ZNF804B: variants seen among roughly 807,000 people sequenced by gnomAD.
The protein encoded by ZNF804B is zinc finger 804B.
Under a neutral mutation model 101.4 loss-of-function variants are expected in ZNF804B, and 80 were observed. The ratio of observed to expected loss-of-function variants is 0.79; its 90% CI spans 0.66 to 0.95. ZNF804B has a LOEUF of 0.95. ZNF804B is among the 40% of genes least tolerant of loss of function. The probability of loss-of-function intolerance (pLI) is 0.00; values close to 1 mark genes in which losing one functional copy is unlikely to be tolerated. For missense variants in ZNF804B, 1,673 were observed against 1,561.9 expected, an observed-to-expected ratio of 1.07 and a Z score of -1.20; for synonymous variants, 622 against 558.8, an observed-to-expected ratio of 1.11 and a Z score of -1.59.
intron 1 of ZNF804B, among the ~76,000 whole-genome samples, chr7:89,153,035 A>G (rs1336729156): frequency 6.6e-6 from 1 of 152,150 alleles, no homozygotes. Flanking sequence ...ATATTATTAT[A>G]AACTAAGACT....
At chr7:89,296,297 T>A (rs1054828523) in intron 2 of ZNF804B, among the ~76,000 whole-genome samples, 1 of 152,134 alleles carries the variant, frequency 6.6e-6, no homozygotes, top group African/African-American at 2.4e-5. Flanking sequence ...TCTTAATTTA[T>A]CTAGATTTAT....
intron 2 of ZNF804B, among the ~76,000 whole-genome samples, chr7:89,248,762 C>T (rs919325690): frequency 3.9e-5 from 6 of 152,006 alleles, no homozygotes; most frequent in East Asian, 1.9e-4. Flanking sequence ...TAAAAACTCA[C>T]GACAGGATCA....
chr7:89,096,220 C>T (rs1285780300), intron 1 of ZNF804B, among the ~76,000 whole-genome samples: 1 of 151,202 alleles, frequency 6.6e-6, no homozygotes, highest in Non-Finnish European at 1.5e-5. Context: ...TATGGTGTGA[C>T]TAGACAAGTT....
chr7:88,845,000 C>T (rs1791347716), intron 1 of ZNF804B, among the ~76,000 whole-genome samples: 1 of 152,138 alleles, frequency 6.6e-6, no homozygotes, highest in Admixed American at 6.5e-5. Context: ...AAATCCTTTT[C>T]TGTAGGTTTA....
chr7:89,281,019 C>A (rs995241292), intron 2 of ZNF804B, among the ~76,000 whole-genome samples: 1 of 152,116 alleles, frequency 6.6e-6, no homozygotes, highest in African/African-American at 2.4e-5. Flanking sequence ...CCATCTGCAC[C>A]ATTCTTTCAC....
At chr7:89,047,922 A>G (rs1789136715) in intron 1 of ZNF804B, among the ~76,000 whole-genome samples, 1 of 150,942 alleles carries the variant, frequency 6.6e-6, no homozygotes, top group Admixed American at 6.6e-5. Context: ...TTGGATATAG[A>G]GCCTTTTGGT....
intron 3 of ZNF804B, among the ~76,000 whole-genome samples, chr7:89,328,732 C>A (rs564111895): frequency 1.3e-5 from 2 of 151,976 alleles, no homozygotes; most frequent in African/African-American, 4.8e-5. Flanking sequence ...TAAGTCAGAT[C>A]ATAACAAATG....
At chr7:89,178,968 C>A (rs1215513015) in intron 1 of ZNF804B, among the ~76,000 whole-genome samples, 2 of 152,028 alleles carry the variant, frequency 1.3e-5, no homozygotes, top group Non-Finnish European at 2.9e-5. Context: ...TTTTTTCCTT[C>A]AGCATTTAAA....
intron 2 of ZNF804B, among the ~76,000 whole-genome samples, chr7:89,229,841 A>T (rs957815342): frequency 1.3e-5 from 2 of 152,208 alleles, no homozygotes; most frequent in African/African-American, 4.8e-5. Context: ...AAGTTTTTAA[A>T]TAAAAAATCA....
chr7:89,248,780 G>A (rs941789095), intron 2 of ZNF804B, among the ~76,000 whole-genome samples: 5 of 151,948 alleles, frequency 3.3e-5, no homozygotes, highest in African/African-American at 1.2e-4. Flanking sequence ...TCAACCTCAC[G>A]TATCAATATT....
intron 1 of ZNF804B, among the ~76,000 whole-genome samples, chr7:89,109,066 TAGTA>T (rs1305733375): frequency 2.0e-5 from 3 of 151,950 alleles, no homozygotes; most frequent in Non-Finnish European, 4.4e-5. Flanking sequence ...TGGGTATAAT[TAGTA>T]AGAGAACATC....
intron 1 of ZNF804B, among the ~76,000 whole-genome samples, chr7:89,064,812 A>G (rs187058515): frequency 2.4e-4 from 36 of 152,264 alleles, no homozygotes; most frequent in African/African-American, 6.3e-4. Flanking sequence ...TGGTCACATC[A>G]TAAGTGCCAG....
chr7:88,964,347 C>T (rs1371620977), intron 1 of ZNF804B, among the ~76,000 whole-genome samples: 1 of 151,386 alleles, frequency 6.6e-6, no homozygotes, highest in Admixed American at 6.6e-5. Flanking sequence ...TATTTTTGAT[C>T]TTACAAAGAA....
chr7:89,107,844 G>T (rs537104334), intron 1 of ZNF804B, among the ~76,000 whole-genome samples: 13 of 152,146 alleles, frequency 8.5e-5, no homozygotes, highest in South Asian at 4.1e-4. Flanking sequence ...AGCGGCATGG[G>T]GGGTATTCTC....
intron 1 of ZNF804B, among the ~76,000 whole-genome samples, chr7:89,195,477 C>G (rs1584045795): frequency 6.8e-6 from 1 of 146,026 alleles, no homozygotes; most frequent in African/African-American, 2.6e-5. Flanking sequence ...AGCTGATAAG[C>G]AACTTCAGCA....
chr7:89,153,063 T>C (rs1790902906), intron 1 of ZNF804B, among the ~76,000 whole-genome samples: 2 of 151,940 alleles, frequency 1.3e-5, no homozygotes, highest in Admixed American at 1.3e-4. Context: ...AAATACTATA[T>C]TTTATTTTTC....
intron 1 of ZNF804B, among the ~76,000 whole-genome samples, chr7:88,856,871 T>G (rs10246836): frequency 0.045 from 6,793 of 152,190 alleles, 441 homozygotes; most frequent in African/African-American, 0.14. Context: ...TAATCGTATG[T>G]TTTTTGTCGT....
chr7:89,275,410 C>T (rs1195710185), intron 2 of ZNF804B, among the ~76,000 whole-genome samples: 3 of 151,956 alleles, frequency 2.0e-5, no homozygotes, highest in Non-Finnish European at 4.4e-5. Context: ...GGTCAAAACC[C>T]TCCAGCTCTT....
chr7:89,081,249 A>G (rs1264917977), intron 1 of ZNF804B, among the ~76,000 whole-genome samples: 3 of 151,864 alleles, frequency 2.0e-5, no homozygotes, highest in Admixed American at 6.6e-5. Context: ...AATAATTAGA[A>G]TTGAAGGCAG....
Sources: allele counts gnomAD v4.1 joint callset (sites outside exome capture counted in the v4.1 genomes callset), GRCh38; gene constraint gnomAD v4.1.1; transcripts MANE v1.5; gene names NCBI Gene and HGNC (gene_info 2026-07-23, HGNC 2026-07-21).